MECOM: variants seen among roughly 807,000 people sequenced by gnomAD.
MECOM encodes the protein histone-lysine N-methyltransferase MECOM.
In MECOM, 13 loss-of-function variants were observed where a neutral mutation model predicts 116.3. That is an observed-to-expected ratio of 0.11 (90% CI 0.07 to 0.18). The LOEUF is 0.18. Among genes scored for constraint, MECOM ranks in the 10% least tolerant of loss-of-function variants. The pLI is 1.00. For synonymous variants in MECOM, 528 were observed against 535.2 expected, an observed-to-expected ratio of 0.99 and a Z score of 0.19; for missense variants, 1,299 against 1,509.0, an observed-to-expected ratio of 0.86 and a Z score of 2.31.
At chr3:169,421,009 G>C (rs1165946404) in intron 1 of MECOM, among the ~76,000 whole-genome samples, 1 of 152,088 alleles carries the variant, frequency 6.6e-6, no homozygotes, top group Non-Finnish European at 1.5e-5. Context: ...ATTTGGCAAT[G>C]ATGACAGTGT....
At chr3:169,561,153 G>T (rs985925301) in intron 1 of MECOM, among the ~76,000 whole-genome samples, 5 of 151,642 alleles carry the variant, frequency 3.3e-5, no homozygotes, top group African/African-American at 1.2e-4. Flanking sequence ...AAATTTAAAA[G>T]TTTTATAATT....
At chr3:169,396,397 T>C (rs184686691) in intron 1 of MECOM, among the ~76,000 whole-genome samples, 108 of 152,302 alleles carry the variant, frequency 7.1e-4, no homozygotes, top group Non-Finnish European at 1.2e-3. Flanking sequence ...CTATTTCCAA[T>C]TGGGATGTGC....
chr3:169,248,400 AC>A (rs916948866), intron 2 of MECOM, among the ~76,000 whole-genome samples: 1 of 152,206 alleles, frequency 6.6e-6, no homozygotes, highest in African/African-American at 2.4e-5. Context: ...AAAATGGAAA[AC>A]TGCTAAATCT....
chr3:169,503,449 GA>G (rs1464346349), intron 1 of MECOM, among the ~76,000 whole-genome samples: 1 of 152,126 alleles, frequency 6.6e-6, no homozygotes, highest in Non-Finnish European at 1.5e-5. Context: ...TACAGTGATT[GA>G]AAAGACATTT....
rs559307895 is a variant in MECOM at position 169,175,071 on chromosome 3, G to T, written c.376-31239C>A. On this transcript the variant is annotated intron_variant, in intron 2 of 16. Coordinates refer to ENST00000651503, the MANE Select transcript of MECOM (RefSeq NM_004991.4). ...AGAACTGTGTTCCAATCCCACCTCT[G>T]TTGCTTTCTGTTTCTAGCTCTACAA... Among the ~76,000 whole-genome samples, 8 of 152,206 alleles carry T rather than the reference G, an allele frequency of 5.3e-5. No individual in the cohort carries two copies. The East Asian group carries it at 1.5e-3, about 29-fold the overall frequency.
chr3:169,328,440 G>A (rs1170613073), intron 2 of MECOM, among the ~76,000 whole-genome samples: 1 of 152,108 alleles, frequency 6.6e-6, no homozygotes, highest in African/African-American at 2.4e-5. Flanking sequence ...GAAAAACCCA[G>A]AACTCCAGAG....
At chr3:169,373,988 GCCCTAACC>G (rs1234117444) in intron 2 of MECOM, among the ~76,000 whole-genome samples, 1 of 151,874 alleles carries the variant, frequency 6.6e-6, no homozygotes. Flanking sequence ...ATATGTTGAA[GCCCTAACC>G]CCCATTAGGG....
At chr3:169,244,965 A>C (rs1484548188) in intron 2 of MECOM, among the ~76,000 whole-genome samples, 1 of 152,206 alleles carries the variant, frequency 6.6e-6, no homozygotes, top group African/African-American at 2.4e-5. Context: ...ACACACAAAA[A>C]AACAAAAACA....
chr3:169,316,778 C>T (rs113124137), intron 2 of MECOM, among the ~76,000 whole-genome samples: 2 of 152,320 alleles, frequency 1.3e-5, no homozygotes, highest in African/African-American at 4.8e-5. Flanking sequence ...GTCTTGAACT[C>T]CTAAGCTCAA....
At chr3:169,549,237 G>A (rs1022656248) in intron 1 of MECOM, among the ~76,000 whole-genome samples, 3 of 152,096 alleles carry the variant, frequency 2.0e-5, no homozygotes, top group Non-Finnish European at 4.4e-5. Context: ...CTCCCAAAGT[G>A]CTGGGATTAC....
intron 2 of MECOM, among the ~76,000 whole-genome samples, chr3:169,219,440 G>A (rs949427706): frequency 4.6e-5 from 7 of 152,206 alleles, no homozygotes; most frequent in African/African-American, 1.7e-4. Context: ...CTGGGAGGCG[G>A]AGCTTGCAGT....
chr3:169,464,580 G>A (rs995645386), intron 1 of MECOM, among the ~76,000 whole-genome samples: 1 of 151,930 alleles, frequency 6.6e-6, no homozygotes. Flanking sequence ...AGCAAATTAG[G>A]AGGGCATTAC....
chr3:169,322,522 A>G (rs1282847659), intron 2 of MECOM, among the ~76,000 whole-genome samples: 2 of 152,162 alleles, frequency 1.3e-5, no homozygotes. Context: ...AAGCCTGACC[A>G]AGACTTATCA....
chr3:169,584,305 C>T (rs1031172854), intron 1 of MECOM, among the ~76,000 whole-genome samples: 7 of 152,044 alleles, frequency 4.6e-5, no homozygotes, highest in Non-Finnish European at 8.8e-5. Flanking sequence ...GGGGCTCACT[C>T]CTGTAATCCC....
At chr3:169,190,503 C>T (rs1373948413) in intron 2 of MECOM, among the ~76,000 whole-genome samples, 2 of 152,010 alleles carry the variant, frequency 1.3e-5, no homozygotes, top group Admixed American at 1.3e-4. Flanking sequence ...AGTTTGTGAC[C>T]TCATACTGCT....
At chr3:169,228,266 T>C (rs1427861579) in intron 2 of MECOM, among the ~76,000 whole-genome samples, 2 of 152,232 alleles carry the variant, frequency 1.3e-5, no homozygotes, top group African/African-American at 2.4e-5. Flanking sequence ...GGCAATACTA[T>C]ACTAAACAGT....
chr3:169,131,643 T>G, intron 3 of MECOM, 112 bp from the exon 4 acceptor site: 1 of 740,384 alleles, frequency 1.4e-6, no homozygotes, highest in Non-Finnish European at 2.0e-6. Flanking sequence ...AACAAACATC[T>G]TTTTCTTTTT....
At chr3:169,206,141 C>T (rs183284344) in intron 2 of MECOM, among the ~76,000 whole-genome samples, 70 of 152,212 alleles carry the variant, frequency 4.6e-4, no homozygotes, top group Admixed American at 4.0e-3. Context: ...ATATCTTGTC[C>T]AGGAATCCAA....
At chr3:169,373,595 T>C (rs2108209833) in intron 2 of MECOM, among the ~76,000 whole-genome samples, 1 of 152,100 alleles carries the variant, frequency 6.6e-6, no homozygotes, top group South Asian at 2.1e-4. Flanking sequence ...AGATACATAG[T>C]AGGCAAATAT....
Sources: allele counts gnomAD v4.1 joint callset (sites outside exome capture counted in the v4.1 genomes callset), GRCh38; gene constraint gnomAD v4.1.1; transcripts MANE v1.5; gene names NCBI Gene and HGNC (gene_info 2026-07-23, HGNC 2026-07-21).